HBS1L: variants seen among roughly 807,000 people sequenced by gnomAD.
The protein encoded by HBS1L is HBS1-like protein.
A neutral mutation model predicts 88.9 loss-of-function variants in HBS1L; 55 were observed. The observed-to-expected ratio is 0.62, with a 90% CI of 0.50 to 0.77. The LOEUF is 0.77. Among genes scored for constraint, HBS1L ranks in the 30% least tolerant of loss-of-function variants. The probability of loss-of-function intolerance (pLI) is 0.00; values close to 1 mark genes in which losing one functional copy is unlikely to be tolerated. For synonymous variants in HBS1L, 267 were observed against 288.5 expected (o/e 0.93, Z 0.76); for missense variants, 741 against 829.3 (o/e 0.89, Z 1.31).
intron 4 of HBS1L, among the ~76,000 whole-genome samples, chr6:135,014,874 A>C (rs914441800): frequency 8.2e-5 from 11 of 133,734 alleles, no homozygotes; most frequent in Middle Eastern, 3.7e-3. Flanking sequence ...AAAAAAAAAA[A>C]CCACAAAAAA....
chr6:135,017,599 A>C (rs190929935), intron 4 of HBS1L, among the ~76,000 whole-genome samples: 10 of 152,192 alleles, frequency 6.6e-5, no homozygotes, highest in Admixed American at 3.9e-4. Flanking sequence ...AAATCTAAAA[A>C]TTTATTCCAC....
chr6:135,051,739 ATTTGT>A (rs1350838553), intron 1 of HBS1L, among the ~76,000 whole-genome samples: 1 of 152,220 alleles, frequency 6.6e-6, no homozygotes, highest in Non-Finnish European at 1.5e-5. Context: ...CTAGATTAAT[ATTTGT>A]TTTATTATAA....
At chr6:135,017,511 A>G (rs547893340) in intron 4 of HBS1L, among the ~76,000 whole-genome samples, 4 of 152,250 alleles carry the variant, frequency 2.6e-5, no homozygotes, top group African/African-American at 7.2e-5. Context: ...ACTAATGTAG[A>G]ACACTAGTTT....
At chr6:134,977,650 T>C (rs1583064172) in intron 15 of HBS1L, among the ~76,000 whole-genome samples, 1 of 152,096 alleles carries the variant, frequency 6.6e-6, no homozygotes, top group East Asian at 1.9e-4. Context: ...AATATAGGTG[T>C]ATCAGTATAA....
chr6:135,030,336 C>T (rs1776348956), intron 4 of HBS1L, among the ~76,000 whole-genome samples: 2 of 151,992 alleles, frequency 1.3e-5, no homozygotes, highest in Admixed American at 6.6e-5. Flanking sequence ...GAAAGTTCCC[C>T]TACCCCATGA....
At chr6:135,008,454 AG>A (rs1775674211) in intron 4 of HBS1L, among the ~76,000 whole-genome samples, 1 of 152,232 alleles carries the variant, frequency 6.6e-6, no homozygotes, top group Admixed American at 6.5e-5. Context: ...AAACATAATT[AG>A]AAACTGCCTC....
intron 17 of HBS1L, 49 bp from the exon 18 acceptor site, chr6:134,965,339 C>T (rs746066187): frequency 7.9e-7 from 1 of 1,263,488 alleles, no homozygotes; most frequent in African/African-American, 1.5e-5. Context: ...TAATCAATCA[C>T]ATTATAAGAA....
intron 13 of HBS1L, among the ~76,000 whole-genome samples, chr6:134,980,890 C>A (rs922624993): frequency 2.0e-5 from 3 of 151,818 alleles, no homozygotes; most frequent in African/African-American, 7.3e-5. Context: ...TTTCAAGAAT[C>A]AAGTAAACCA....
chr6:134,998,577 G>A (rs934622874), intron 5 of HBS1L, among the ~76,000 whole-genome samples: 4 of 152,090 alleles, frequency 2.6e-5, no homozygotes, highest in African/African-American at 7.2e-5. Flanking sequence ...ATGTGGAGCT[G>A]GCAAAGAAAA....
At chr6:135,018,004 A>C (rs960640132) in intron 4 of HBS1L, among the ~76,000 whole-genome samples, 17 of 149,432 alleles carry the variant, frequency 1.1e-4, no homozygotes, top group Admixed American at 1.1e-3. Flanking sequence ...AAAAAAAAAA[A>C]CAGGGGTTTT....
chr6:135,043,060 T>C (rs753287694), intron 2 of HBS1L, among the ~76,000 whole-genome samples: 2 of 152,214 alleles, frequency 1.3e-5, no homozygotes, highest in Non-Finnish European at 2.9e-5. Context: ...GGTATTCATA[T>C]GTATCTCATT....
chr6:135,010,870 T>G (rs1775754663), intron 4 of HBS1L, among the ~76,000 whole-genome samples: 1 of 152,172 alleles, frequency 6.6e-6, no homozygotes, highest in Non-Finnish European at 1.5e-5. Context: ...TGAATTAGAA[T>G]AGGGCATCTG....
chr6:135,035,817 G>C (rs1481293274), intron 4 of HBS1L: 1 of 346,312 alleles, frequency 2.9e-6, no homozygotes, highest in Non-Finnish European at 3.8e-6. Flanking sequence ...AAGCTAAAGA[G>C]ATCTGGTAAA....
At chr6:134,991,639 T>C (rs978481980) in intron 8 of HBS1L, among the ~76,000 whole-genome samples, 1 of 152,250 alleles carries the variant, frequency 6.6e-6, no homozygotes, top group Non-Finnish European at 1.5e-5. Flanking sequence ...TTTTATCACA[T>C]TCAGTCCATG....
At chr6:134,975,574 A>G (rs1182593293) in intron 15 of HBS1L, among the ~76,000 whole-genome samples, 4 of 152,214 alleles carry the variant, frequency 2.6e-5, no homozygotes, top group Non-Finnish European at 5.9e-5. Flanking sequence ...GACCAATGCA[A>G]CAGAATAGAG....
rs1774234400 is a variant in HBS1L, at chr6:134,963,612, T to C, written c.*1667A>G. The stretch of plus-strand genomic sequence containing the variant: ...TTTTTAAATTTTTTCTGTAGAGACA[T>C]GGTCTCACTATATTGCCTTAGCTGG... On this transcript the variant is annotated 3_prime_UTR_variant, in exon 18 of 18. Transcript: ENST00000367837. 1.3e-5 allele frequency: 2 copies of C among 152,174 alleles called. No individual in the cohort carries two copies. Among genetic ancestry groups the C allele is most frequent in the Admixed American group, 1.3e-4 (2 of 15,272 alleles). The allele number at this position is 152,174 out of a possible 1,614,324, so 9.4% of individuals were successfully genotyped here.
chr6:134,990,486 GTCTCTTTA>G (rs747673076), intron 8 of HBS1L, among the ~76,000 whole-genome samples: 15 of 152,322 alleles, frequency 9.8e-5, no homozygotes, highest in Non-Finnish European at 1.8e-4. Flanking sequence ...ACATCTTTGA[GTCTCTTTA>G]TCTCTTTGTT....
intron 4 of HBS1L, 30 bp from the exon 5 acceptor site, chr6:135,002,872 A>G: frequency 7.4e-7 from 1 of 1,348,236 alleles, no homozygotes; most frequent in South Asian, 1.2e-5. Context: ...TAAAAGGCCA[A>G]TTAATTTCTT....
At chr6:134,997,006 C>A in intron 6 of HBS1L, 64 bp from the exon 7 acceptor site, 1 of 1,169,330 alleles carries the variant, frequency 8.6e-7, no homozygotes, top group Non-Finnish European at 1.2e-6. Context: ...TGAGGCATTG[C>A]ATAAATGTGT....
Sources: allele counts gnomAD v4.1 joint callset (sites outside exome capture counted in the v4.1 genomes callset), GRCh38; gene constraint gnomAD v4.1.1; transcripts MANE v1.5; gene names NCBI Gene and HGNC (gene_info 2026-07-23, HGNC 2026-07-21).